The following CDKL3 variants were observed in gnomAD, a reference collection of about 807,000 sequenced individuals.
CDKL3 encodes the protein cyclin dependent kinase like 3.
In CDKL3, 65 loss-of-function variants were observed where a neutral mutation model predicts 69.3. The observed-to-expected ratio is 0.94, with a 90% CI of 0.77 to 1.15. CDKL3 has a LOEUF of 1.15. CDKL3 is among the 50% of genes most tolerant of loss of function. CDKL3 has a pLI of 0.00. For missense variants in CDKL3, 652 were observed against 689.2 expected, an observed-to-expected ratio of 0.95 and a Z score of 0.61; for synonymous variants, 202 against 221.6, an observed-to-expected ratio of 0.91 and a Z score of 0.79.
chr5:134,286,113 T>C (rs1002446726), downstream of CDKL3, among the ~76,000 whole-genome samples: 1 of 152,088 alleles, frequency 6.6e-6, no homozygotes, highest in African/African-American at 2.4e-5. Context: ...AGAGTGAGAC[T>C]GTCTCAAAAA....
At chr5:134,327,949 T>C (rs1039744505) in intron 4 of CDKL3, among the ~76,000 whole-genome samples, 3 of 152,058 alleles carry the variant, frequency 2.0e-5, no homozygotes, top group African/African-American at 7.2e-5. Flanking sequence ...TGTGTGTGGG[T>C]TGGGGGGCTG....
upstream of CDKL3, chr5:134,371,473 T>TCGGCGG (rs34763898): frequency 7.4e-3 from 8,471 of 1,143,564 alleles, 163 homozygotes; most frequent in African/African-American, 0.062. Flanking sequence ...TTTGTCAGTC[T>TCGGCGG]CGGCGGCGGC....
chr5:134,306,474 G>T, intron 10 of CDKL3, 135 bp downstream of exon 10: 2 of 603,912 alleles, frequency 3.3e-6, no homozygotes, highest in Non-Finnish European at 5.8e-6. Flanking sequence ...TCCAGTCTGG[G>T]CAACAGAGAG....
In CDKL3 at chr5:134,352,301, ATTT is replaced by A. The variant is rs796539156; in HGVS notation, c.361-1877_361-1875del. On this transcript the variant is annotated intron_variant, in intron 3 of 12. Transcript: ENST00000265334. ...TCATCCTTAATGGACACTTAGGTTG[ATTT>A]TTTTTTTTTTTTTTGAGACAGAGTT... Among the ~76,000 whole-genome samples the A allele has an allele frequency of 9.9e-3, 1,360 of 137,484 alleles. 9 individuals carry two copies. The highest frequency in any genetic ancestry group is 0.032 in the African/African-American group (1,205 of 37,448). The allele number at this position is 137,484 out of a possible 152,430, so 90.2% of individuals were successfully genotyped here. A position where few individuals can be genotyped will look rare whatever the true frequency, so the allele number is the denominator to read the frequency against.
chr5:134,306,896 T>A (rs559331347), intron 9 of CDKL3, among the ~76,000 whole-genome samples, 194 bp from the exon 10 acceptor site: 18 of 151,614 alleles, frequency 1.2e-4, no homozygotes, highest in Non-Finnish European at 2.5e-4. Context: ...CTGGGATTAC[T>A]GGTGTGCTCC....
At chr5:134,337,276 A>G (rs996411326) in intron 4 of CDKL3, among the ~76,000 whole-genome samples, 9 of 152,154 alleles carry the variant, frequency 5.9e-5, no homozygotes, top group Non-Finnish European at 1.0e-4. Context: ...TTCACTAGGA[A>G]AGGGAAATCA....
chr5:134,304,379 T>C, intron 11 of CDKL3, 26 bp downstream of exon 11: 1 of 1,542,350 alleles, frequency 6.5e-7, no homozygotes, highest in African/African-American at 1.4e-5. Flanking sequence ...TCATCATAAT[T>C]GTAAAGCTAT....
At chr5:134,286,864 C>G (rs1764892566) in intron 8 of CDKL3, among the ~76,000 whole-genome samples, 1 of 152,132 alleles carries the variant, frequency 6.6e-6, no homozygotes, top group Non-Finnish European at 1.5e-5. Flanking sequence ...GGGGACACAG[C>G]CAAACCCTAT....
chr5:134,346,064 C>T (rs1751789756), intron 4 of CDKL3, among the ~76,000 whole-genome samples: 1 of 152,168 alleles, frequency 6.6e-6, no homozygotes, highest in Admixed American at 6.5e-5. Flanking sequence ...TCCTCTTCCG[C>T]CTGCCCACCT....
chr5:134,285,057 G>A (rs1242719492), downstream of CDKL3, among the ~76,000 whole-genome samples: 3 of 152,238 alleles, frequency 2.0e-5, no homozygotes, highest in Admixed American at 1.3e-4. Flanking sequence ...AGTGATAAAT[G>A]TCCATGAAAT....
chr5:134,325,441 T>C (rs926839426), intron 4 of CDKL3, among the ~76,000 whole-genome samples: 6 of 152,202 alleles, frequency 3.9e-5, no homozygotes, highest in Non-Finnish European at 8.8e-5. Context: ...TATTAGTAAG[T>C]TTTAGTGAGA....
intron 8 of CDKL3, among the ~76,000 whole-genome samples, chr5:134,291,599 A>G (rs1338115811): frequency 6.6e-6 from 1 of 152,152 alleles, no homozygotes; most frequent in African/African-American, 2.4e-5. Context: ...ATATGGTGAA[A>G]CCTCGTCTCT....
intron 3 of CDKL3, among the ~76,000 whole-genome samples, chr5:134,358,959 T>G (rs1043000689): frequency 1.3e-5 from 2 of 152,148 alleles, no homozygotes; most frequent in African/African-American, 4.8e-5. Flanking sequence ...TGACACAGTT[T>G]AAATGCTTTA....
chr5:134,340,154 A>AAAAAAG lies in CDKL3; in HGVS notation c.539+10089_539+10094dup, dbSNP rs1362233821. On this transcript the variant is annotated intron_variant, in intron 4 of 12. Transcript: ENST00000265334. ...GAGCAACAGAGCAAGATCCTGTCTC[A>AAAAAAG]AAAAAGAAAAAGAAAAAGAAAATCC... is the stretch of plus-strand genomic sequence containing the variant. 7.9e-5 allele frequency among the ~76,000 whole-genome samples: 12 copies of AAAAAAG among 152,282 alleles called. No individual in the cohort carries two copies. In the East Asian group the frequency reaches 1.7e-3, roughly 22 times the overall value.
intron 4 of CDKL3, among the ~76,000 whole-genome samples, chr5:134,340,345 C>G (rs1000173163): frequency 2.0e-5 from 3 of 151,734 alleles, no homozygotes; most frequent in Non-Finnish European, 4.4e-5. Flanking sequence ...CTAAACCAAG[C>G]AAACAAAAAG....
intron 4 of CDKL3, among the ~76,000 whole-genome samples, chr5:134,334,651 A>C (rs1776615369): frequency 6.6e-6 from 1 of 152,132 alleles, no homozygotes; most frequent in South Asian, 2.1e-4. Flanking sequence ...CCTGAGTTCT[A>C]ATTTGATTGC....
chr5:134,289,749 T>C (rs983368650), intron 8 of CDKL3, among the ~76,000 whole-genome samples: 8 of 152,092 alleles, frequency 5.3e-5, no homozygotes, highest in Non-Finnish European at 1.2e-4. Flanking sequence ...TAATCTGACT[T>C]CGAAGAGAAT....
At chr5:134,340,579 T>C (rs1239614286) in intron 4 of CDKL3, among the ~76,000 whole-genome samples, 2 of 152,178 alleles carry the variant, frequency 1.3e-5, no homozygotes, top group Admixed American at 6.5e-5. Flanking sequence ...AAGGAATACA[T>C]AATTGTTTGC....
upstream of CDKL3, chr5:134,370,921 C>T (rs1379247): frequency 0.13 from 20,597 of 154,174 alleles, 1,658 homozygotes; most frequent in African/African-American, 0.21. Flanking sequence ...GTAATGTTGT[C>T]TCTATACCTG....
Sources: gnomAD v4.1 joint callset for allele counts (sites outside exome capture counted in the v4.1 genomes callset) on GRCh38, gnomAD v4.1.1 for gene constraint, MANE v1.5 for transcripts, NCBI Gene and HGNC (gene_info 2026-07-23, HGNC 2026-07-21) for gene names.